Variants in PIP4K2A observed in about 807,000 individuals in gnomAD.
The protein encoded by PIP4K2A is phosphatidylinositol-5-phosphate 4-kinase type 2 alpha.
In PIP4K2A, 14 loss-of-function variants were observed where a neutral mutation model predicts 42.9. The ratio of observed to expected loss-of-function variants is 0.33; its 90% CI spans 0.22 to 0.51. The LOEUF is 0.51. PIP4K2A is among the 20% of genes least tolerant of loss of function. The probability of loss-of-function intolerance (pLI) is 0.97; values close to 1 mark genes in which losing one functional copy is unlikely to be tolerated. For missense variants in PIP4K2A, 434 were observed against 519.8 expected, an observed-to-expected ratio of 0.83 and a Z score of 1.61; for synonymous variants, 192 against 192.2, an observed-to-expected ratio of 1.00 and a Z score of 0.01.
intron 5 of PIP4K2A, among the ~76,000 whole-genome samples, chr10:22,569,307 C>T (rs1303304415): frequency 1.3e-5 from 2 of 152,200 alleles, no homozygotes; most frequent in Admixed American, 1.3e-4. Context: ...TTCAATGTTT[C>T]TCAGGGCGAT....
chr10:22,664,226 T>TACAC (rs796292751), intron 1 of PIP4K2A, among the ~76,000 whole-genome samples: 610 of 54,334 alleles, frequency 0.011, 44 homozygotes, highest in African/African-American at 0.043. Context: ...TACATATATA[T>TACAC]ATACACACAC....
intron 5 of PIP4K2A, among the ~76,000 whole-genome samples, chr10:22,573,085 CAGTTGGCTGAATATTTAAGT>C (rs1473513427): frequency 6.6e-6 from 1 of 152,206 alleles, no homozygotes; most frequent in Non-Finnish European, 1.5e-5. Context: ...GCCTGGTATG[CAGTTGGCTGAATATTTAAGT>C]AGATGTGATA....
At chr10:22,655,189 G>C (rs1839075857) in intron 1 of PIP4K2A, among the ~76,000 whole-genome samples, 1 of 152,226 alleles carries the variant, frequency 6.6e-6, no homozygotes, top group Non-Finnish European at 1.5e-5. Flanking sequence ...ATACCACCAG[G>C]TGGAAAAATA....
intron 1 of PIP4K2A, among the ~76,000 whole-genome samples, chr10:22,656,792 C>T (rs1164580784): frequency 5.0e-5 from 7 of 140,124 alleles, no homozygotes; most frequent in African/African-American, 1.3e-4. Context: ...AGCCAGACTC[C>T]ATCTCAAAAA....
chr10:22,536,852 G>A lies in PIP4K2A; in HGVS notation c.*349C>T, dbSNP rs1009603848. 1.1e-5 allele frequency: 2 copies of A among 174,288 alleles called. No homozygotes were observed. Among genetic ancestry groups the A allele is most frequent in the Non-Finnish European group, 2.4e-5 (2 of 84,446 alleles). 10.8% of individuals were successfully genotyped at this position (174,288 alleles called of 1,614,324 possible). ...CACTCACTCACTCACTCATTCATTCGGCCATAGCTGGAATCAAAGGGTCTT... is the reference window on the plus strand; with the variant it reads ...CACTCACTCACTCACTCATTCATTCAGCCATAGCTGGAATCAAAGGGTCTT... On this transcript the variant is annotated 3_prime_UTR_variant, in exon 10 of 10. Transcript: ENST00000376573.
chr10:22,610,735 ACACTTACTTGGGCC>A (rs1361510358), intron 1 of PIP4K2A, among the ~76,000 whole-genome samples: 1 of 152,228 alleles, frequency 6.6e-6, no homozygotes, highest in Non-Finnish European at 1.5e-5. Context: ...GCCAGTTTCA[ACACTTACTTGGGCC>A]AAACGAAAGC....
intron 1 of PIP4K2A, among the ~76,000 whole-genome samples, chr10:22,665,867 TACAC>T (rs1171173023): frequency 6.6e-6 from 1 of 151,716 alleles, no homozygotes. Flanking sequence ...TACATATATA[TACAC>T]ACACACAGTT....
chr10:22,708,851 T>C (rs143542048), intron 1 of PIP4K2A, among the ~76,000 whole-genome samples: 219 of 152,324 alleles, frequency 1.4e-3, no homozygotes, highest in African/African-American at 5.0e-3. Context: ...TGTACAACCA[T>C]GGCTCCCTGC....
At chr10:22,702,930 G>C (rs1297618565) in intron 1 of PIP4K2A, among the ~76,000 whole-genome samples, 3 of 152,154 alleles carry the variant, frequency 2.0e-5, no homozygotes, top group African/African-American at 7.2e-5. Flanking sequence ...TATTGTTCTA[G>C]TTGAGGGAGA....
chr10:22,702,085 T>A (rs1468793043), intron 1 of PIP4K2A, among the ~76,000 whole-genome samples: 1 of 152,236 alleles, frequency 6.6e-6, no homozygotes, highest in Non-Finnish European at 1.5e-5. Flanking sequence ...CCTAGCCATG[T>A]GGCAAAAACA....
intron 1 of PIP4K2A, among the ~76,000 whole-genome samples, chr10:22,664,154 C>CATATATATATATATATATACACAT: frequency 3.2e-5 from 2 of 62,280 alleles, no homozygotes; most frequent in East Asian, 6.7e-4. Context: ...TATATATACA[C>CATATATATATATATATATACACAT]ATATATATAT....
chr10:22,575,592 C>A (rs1030308023), intron 4 of PIP4K2A, among the ~76,000 whole-genome samples: 3 of 152,170 alleles, frequency 2.0e-5, no homozygotes, highest in South Asian at 2.1e-4. Flanking sequence ...ACATTCTATA[C>A]CTCCCCTACC....
intron 1 of PIP4K2A, among the ~76,000 whole-genome samples, chr10:22,656,853 G>C (rs923656321): frequency 6.6e-6 from 1 of 151,106 alleles, no homozygotes; most frequent in African/African-American, 2.4e-5. Flanking sequence ...TAAACTATAT[G>C]AGACTCTAGG....
At chr10:22,559,124 A>G (rs749360627) in intron 6 of PIP4K2A, among the ~76,000 whole-genome samples, 1 of 152,302 alleles carries the variant, frequency 6.6e-6, no homozygotes, top group Non-Finnish European at 1.5e-5. Flanking sequence ...TAATCTAAGA[A>G]ATGTCAAAGG....
At chr10:22,548,424 TATC>T (rs1836308224) in intron 7 of PIP4K2A, among the ~76,000 whole-genome samples, 1 of 152,230 alleles carries the variant, frequency 6.6e-6, no homozygotes. Flanking sequence ...GGAGTCTAAA[TATC>T]ATAGTGATAT....
At chr10:22,563,270 G>A (rs937828508) in intron 6 of PIP4K2A, among the ~76,000 whole-genome samples, 11 of 152,318 alleles carry the variant, frequency 7.2e-5, no homozygotes, top group African/African-American at 2.4e-4. Flanking sequence ...GAAGGCTAGG[G>A]CACTGAATTC....
chr10:22,610,894 C>T lies in PIP4K2A; in HGVS notation c.145-1177G>A, dbSNP rs112582358. The stretch of plus-strand genomic sequence containing the variant: ...AACCCCTGCCAGGCCTCCAGGCTTC[C>T]CACAGATGAAGATCAATCAAACATG... On this transcript the variant is annotated intron_variant, in intron 1 of 9. Transcript: ENST00000376573. Among the ~76,000 whole-genome samples, 4 of 152,214 alleles carry T rather than the reference C, an allele frequency of 2.6e-5. 1 individual carries two copies. Among genetic ancestry groups the T allele is most frequent in the African/African-American group, 7.2e-5 (3 of 41,532 alleles).
At chr10:22,655,240 C>T (rs972489851) in intron 1 of PIP4K2A, among the ~76,000 whole-genome samples, 1 of 152,192 alleles carries the variant, frequency 6.6e-6, no homozygotes, top group African/African-American at 2.4e-5. Flanking sequence ...AATACCATCT[C>T]TAAGGCAGAG....
At position 22,539,991 on chromosome 10, in the gene PIP4K2A, C is replaced by T; in HGVS notation, c.1120G>A (p.Ala374Thr). Residue 374 changes from alanine (A) to threonine (T), a missense_variant, in exon 9 of 10, where the codon GCA becomes ACA. Around this residue, in one of 2 missense-constraint regions of PIP4K2A, gnomAD observed 39 missense variants for 75.3 expected, o/e 0.52. Transcript: ENST00000376573. Reference sequence around the variant, plus strand: ...CTCACGCCATGTTTAACAGTTTTTGCAGCATGGGCAGCTTTCTTTTTTGCA... The same window carrying T: ...CTCACGCCATGTTTAACAGTTTTTGTAGCATGGGCAGCTTTCTTTTTTGCA... ...YDAKKKAAHA[A>T]KTVKHGAGAE... 1 of 1,605,178 alleles carries T rather than the reference C, an allele frequency of 6.2e-7. No homozygotes were observed. Among genetic ancestry groups the T allele is most frequent in the South Asian group, 1.1e-5 (1 of 90,906 alleles).
Sources: allele counts gnomAD v4.1 joint callset (sites outside exome capture counted in the v4.1 genomes callset), GRCh38; gene constraint gnomAD v4.1.1; regional missense constraint gnomAD v4.1.1; transcripts MANE v1.5; gene names NCBI Gene and HGNC (gene_info 2026-07-23, HGNC 2026-07-21).